JAK2: variants seen among roughly 807,000 people sequenced by gnomAD.
The protein encoded by JAK2 is tyrosine-protein kinase JAK2.
In JAK2, 86 loss-of-function variants were observed where a neutral mutation model predicts 139.3. That is an observed-to-expected ratio of 0.62 (90% CI 0.52 to 0.74). JAK2 has a LOEUF of 0.74. Among genes scored for constraint, JAK2 ranks in the 30% least tolerant of loss-of-function variants. The pLI is 0.00. For synonymous variants in JAK2, 490 were observed against 437.7 expected (o/e 1.12, Z -1.49); for missense variants, 1,421 against 1,360.3 (o/e 1.04, Z -0.70).
chr9:4,988,161 C>G (rs144865173), intron 2 of JAK2, among the ~76,000 whole-genome samples: 16 of 152,304 alleles, frequency 1.1e-4, no homozygotes, highest in African/African-American at 2.9e-4. Context: ...TCCCACCCTT[C>G]CCCACTCCCT....
Position 5,090,580 on chromosome 9 carries a change from AT to A in JAK2, c.2886+11del, listed in dbSNP as rs776962570. 1 of 1,559,780 alleles carries A rather than the reference AT, an allele frequency of 6.4e-7. No individual in the cohort carries two copies. Among genetic ancestry groups the A allele is most frequent in the South Asian group, 1.2e-5 (1 of 80,750 alleles). ...ATCTCAGATATGCAAGGTAACTAAT[AT>A]CCTGATTATTTGCTGTAGATGAAGC... On this transcript the variant is annotated intron_variant, in intron 21 of 24. Coordinates refer to ENST00000381652, the MANE Select transcript of JAK2 (RefSeq NM_004972.4).
intron 3 of JAK2, among the ~76,000 whole-genome samples, chr9:5,023,472 A>G (rs1193208948): frequency 1.3e-5 from 2 of 152,066 alleles, no homozygotes; most frequent in African/African-American, 4.8e-5. Context: ...TCCTCACTGG[A>G]ATAGGAAATG....
Position 5,029,910 on chromosome 9 carries a change from C to A in JAK2, c.350+4C>A, listed in dbSNP as rs1396714750. On this transcript the variant is annotated splice_donor_region_variant and intron_variant, in intron 4 of 24. Coordinates refer to ENST00000381652, the MANE Select transcript of JAK2 (RefSeq NM_004972.4). ...ATAATGTACTCTACAGAATAAGGTACTTTCTTCAGTAAAGTAACTCACTTA... is the reference window on the plus strand; with the variant it reads ...ATAATGTACTCTACAGAATAAGGTAATTTCTTCAGTAAAGTAACTCACTTA... The A allele has an allele frequency of 1.3e-6, 2 of 1,575,312 alleles. No homozygotes were observed. Among genetic ancestry groups the A allele is most frequent in the East Asian group, 2.3e-5 (1 of 43,650 alleles).
chr9:5,022,878 G>T (rs990691292), intron 3 of JAK2, among the ~76,000 whole-genome samples: 1 of 152,118 alleles, frequency 6.6e-6, no homozygotes, highest in African/African-American at 2.4e-5. Context: ...AAGAATAGTC[G>T]TATGATTTTA....
chr9:5,068,311 A>G (rs1457212592), intron 10 of JAK2, among the ~76,000 whole-genome samples: 1 of 152,252 alleles, frequency 6.6e-6, no homozygotes, highest in African/African-American at 2.4e-5. Context: ...TAGGTGAACA[A>G]GTTCATAATA....
chr9:4,989,161 A>G (rs1219729824), intron 2 of JAK2, among the ~76,000 whole-genome samples: 5 of 152,208 alleles, frequency 3.3e-5, no homozygotes. Context: ...TCTATTATCA[A>G]TCCCTGCCCT....
chr9:5,012,005 C>G (rs1459795850), intron 2 of JAK2, among the ~76,000 whole-genome samples: 1 of 152,216 alleles, frequency 6.6e-6, no homozygotes, highest in Non-Finnish European at 1.5e-5. Context: ...CCAGTTCTTT[C>G]AGATTTCTAG....
At chr9:5,034,089 TC>T (rs1381427073) in intron 4 of JAK2, among the ~76,000 whole-genome samples, 1 of 152,094 alleles carries the variant, frequency 6.6e-6, no homozygotes, top group African/African-American at 2.4e-5. Context: ...GGGATTGCAA[TC>T]CTAGTCTCGG....
chr9:5,011,133 C>G (rs775110690), intron 2 of JAK2, among the ~76,000 whole-genome samples: 1 of 152,080 alleles, frequency 6.6e-6, no homozygotes, highest in Non-Finnish European at 1.5e-5. Context: ...CTTTTTGGAT[C>G]GGTGGTTTGA....
At chr9:4,994,422 C>G (rs2129754965) in intron 2 of JAK2, among the ~76,000 whole-genome samples, 1 of 152,266 alleles carries the variant, frequency 6.6e-6, no homozygotes, top group East Asian at 1.9e-4. Flanking sequence ...TTCATTAGCT[C>G]TGGAGTGGGA....
chr9:5,094,413 C>T (rs1419190320), intron 22 of JAK2: 2 of 152,252 alleles, frequency 1.3e-5, no homozygotes, highest in Admixed American at 6.5e-5. Context: ...GCCTAGCAGT[C>T]TATTCCATTC....
At chr9:5,064,110 C>T (rs1029147555) in intron 8 of JAK2, among the ~76,000 whole-genome samples, 3 of 152,098 alleles carry the variant, frequency 2.0e-5, no homozygotes, top group South Asian at 2.1e-4. Context: ...GAGCCAAGAT[C>T]GCGCCATTGC....
intron 5 of JAK2, 47 bp downstream of exon 5, chr9:5,044,567 C>A: frequency 1.7e-6 from 2 of 1,191,056 alleles, no homozygotes; most frequent in Non-Finnish European, 2.4e-6. Context: ...TGATAAATAT[C>A]TTGCTGTTTA....
At chr9:5,088,633 T>A (rs976154516) in intron 19 of JAK2, among the ~76,000 whole-genome samples, 14 of 152,216 alleles carry the variant, frequency 9.2e-5, no homozygotes, top group Admixed American at 1.3e-4. Context: ...ATAGACTGGG[T>A]AGCTTAAACA....
chr9:5,075,919 G>A (rs1204744369), intron 14 of JAK2, among the ~76,000 whole-genome samples: 2 of 152,078 alleles, frequency 1.3e-5, no homozygotes, highest in Admixed American at 1.3e-4. Flanking sequence ...TTCATGGAAG[G>A]AGATCAAAAT....
At chr9:5,031,435 A>G (rs1398213095) in intron 4 of JAK2, among the ~76,000 whole-genome samples, 1 of 152,248 alleles carries the variant, frequency 6.6e-6, no homozygotes, top group Non-Finnish European at 1.5e-5. Flanking sequence ...TAGAAACATA[A>G]TAATATGAAG....
Position 5,126,873 on chromosome 9 carries a change from A to C in JAK2, c.*82A>C. The C allele has an allele frequency of 1.5e-6, 1 of 682,714 alleles. No individual in the cohort carries two copies. Among genetic ancestry groups the C allele is most frequent in the Non-Finnish European group, 2.4e-6 (1 of 409,206 alleles). The allele number at this position is 682,714 out of a possible 1,614,324, so 42.3% of individuals were successfully genotyped here. ...TCACATTGCTGTGGACTATTATTACATATATCATTATTATATAAATCATGA... is the reference window on the plus strand; with the variant it reads ...TCACATTGCTGTGGACTATTATTACCTATATCATTATTATATAAATCATGA... On this transcript the variant is annotated 3_prime_UTR_variant, in exon 25 of 25. Transcript: ENST00000381652.
Position 5,050,689 on chromosome 9 carries a change from C to T in JAK2, c.472C>T (p.Arg158Trp), listed in dbSNP as rs765494796. ...FVMSYLFAQW[R>W]HDFVHGWIKV... Reference sequence around the variant, plus strand: ...TCCTTCAAATTTTTGGTTTTAGTGGCGGCATGATTTTGTGCACGGATGGAT... The same window carrying T: ...TCCTTCAAATTTTTGGTTTTAGTGGTGGCATGATTTTGTGCACGGATGGAT... The change falls in exon 6 of 25, where the codon CGG becomes TGG. Residue 158 changes from arginine (R) to tryptophan (W), a missense_variant. Physicochemically the swap from Arg to Trp is moderately radical, Grantham distance 101. Transcript: ENST00000381652. The T allele has an allele frequency of 3.1e-6, 5 of 1,610,860 alleles. No homozygotes were observed. Among genetic ancestry groups the T allele is most frequent in the African/African-American group, 1.3e-5 (1 of 74,774 alleles).
At position 5,129,661 on chromosome 9, in the gene JAK2, A is replaced by T. The variant is rs1477845508; in HGVS notation, c.*2870A>T. ...AAACAATTAAAGTATGAATATCAGAAATACTGTGTGTTTACTCTCAGATTT... is the reference window on the plus strand; with the variant it reads ...AAACAATTAAAGTATGAATATCAGATATACTGTGTGTTTACTCTCAGATTT... On this transcript the variant is annotated 3_prime_UTR_variant, in exon 25 of 25. Coordinates refer to ENST00000381652, the MANE Select transcript of JAK2 (RefSeq NM_004972.4). Among the ~76,000 whole-genome samples the T allele has an allele frequency of 2.0e-5, 3 of 152,118 alleles. No individual in the cohort carries two copies. The highest frequency in any genetic ancestry group is 2.0e-4 in the Admixed American group (3 of 15,264).
Sources: allele counts gnomAD v4.1 joint callset (sites outside exome capture counted in the v4.1 genomes callset), GRCh38; gene constraint gnomAD v4.1.1; transcripts MANE v1.5; gene names NCBI Gene and HGNC (gene_info 2026-07-23, HGNC 2026-07-21).